The following ENO4 variants were observed in gnomAD, a reference collection of about 807,000 sequenced individuals.
ENO4 encodes enolase 4, also known as 2-phospho-D-glycerate hydro-lyase.
Under a neutral mutation model 63.2 loss-of-function variants are expected in ENO4, and 53 were observed. The ratio of observed to expected loss-of-function variants is 0.84; its 90% CI spans 0.67 to 1.05. The LOEUF (loss-of-function observed/expected upper bound fraction) is 1.05, where lower values mean the gene tolerates loss of function less well. ENO4 is among the 50% of genes least tolerant of loss of function. The pLI, the probability that ENO4 is intolerant of heterozygous loss-of-function variation, is 0.00. For synonymous variants in ENO4, 266 were observed against 283.8 expected (o/e 0.94, Z 0.63); for missense variants, 719 against 772.0 (o/e 0.93, Z 0.81).
intron 10 of ENO4, chr10:116,902,018 C>T: frequency 7.2e-7 from 1 of 1,392,806 alleles, no homozygotes; most frequent in South Asian, 1.4e-5. Context: ...TAATATGGTA[C>T]TGAAAAACAG....
downstream of ENO4, chr10:116,885,516 T>C (rs1847139950): frequency 6.6e-6 from 1 of 152,646 alleles, no homozygotes; most frequent in Non-Finnish European, 1.5e-5. Context: ...TGTGTGCTTG[T>C]CACTTATCTT....
chr10:116,879,898 GT>G lies in ENO4; in HGVS notation c.1637del (p.Leu546TrpfsTer10). ...AVGLGVRFIK[L>X]GGLSRGERVT... ...TTGGGCTTGGTGTCCGGTTCATCAAGTTGGGGGGTCTTTCCCGTGGTGAACG... is the reference window on the plus strand; with the variant it reads ...TTGGGCTTGGTGTCCGGTTCATCAAGTGGGGGGTCTTTCCCGTGGTGAACG... On this transcript the variant is annotated frameshift_variant, in exon 13 of 14. Coordinates refer to ENST00000341276, the MANE Select transcript of ENO4 (RefSeq NM_001242699.2). LOFTEE classifies it high-confidence loss of function. 6.4e-7 allele frequency: 1 copy of G among 1,550,538 alleles called. No individual in the cohort carries two copies. The highest frequency in any genetic ancestry group is 8.7e-7 in the Non-Finnish European group (1 of 1,146,968).
chr10:116,881,810 T>C lies in ENO4; in HGVS notation c.*141T>C. The C allele has an allele frequency of 1.6e-6, 1 of 617,914 alleles. No homozygotes were observed. The highest frequency in any genetic ancestry group is 2.5e-6 in the Non-Finnish European group (1 of 406,346). The allele number at this position is 617,914 out of a possible 1,614,324, so 38.3% of individuals were successfully genotyped here. Reference sequence around the variant, plus strand: ...GTTTTTATTCTTCTAATTCCACTGTTTGGTAAATTACATATATGATGTTTT... The same window carrying C: ...GTTTTTATTCTTCTAATTCCACTGTCTGGTAAATTACATATATGATGTTTT... On this transcript the variant is annotated 3_prime_UTR_variant, in exon 14 of 14. Coordinates refer to ENST00000341276, the MANE Select transcript of ENO4 (RefSeq NM_001242699.2).
Position 116,879,898 on chromosome 10 carries a change from G to C in ENO4, c.1635G>C (p.Lys545Asn), listed in dbSNP as rs1043095596. The C allele has an allele frequency of 1.1e-5, 17 of 1,550,420 alleles. No homozygotes were observed. In the African/African-American group the frequency reaches 1.5e-4, roughly 14 times the overall value. ...LAVGLGVRFIKLGGLSRGERV... is the reference protein window; with the variant it reads ...LAVGLGVRFINLGGLSRGERV... ...TTGGGCTTGGTGTCCGGTTCATCAA[G>C]TTGGGGGGTCTTTCCCGTGGTGAAC... Residue 545 changes from lysine to asparagine, a missense_variant, in exon 13 of 14, where the codon AAG (lysine) becomes AAC (asparagine). Physicochemically the swap from Lys to Asn is moderately conservative, Grantham distance 94 (BLOSUM62 0). Transcript: ENST00000341276.
At chr10:116,865,376 G>T (rs867036728) in intron 7 of ENO4, among the ~76,000 whole-genome samples, 1 of 151,928 alleles carries the variant, frequency 6.6e-6, no homozygotes, top group African/African-American at 2.4e-5. Context: ...TAGTAGAGAC[G>T]GGGTTTCACT....
intron 7 of ENO4, among the ~76,000 whole-genome samples, chr10:116,865,787 C>G (rs573618382): frequency 6.6e-5 from 10 of 152,268 alleles, no homozygotes; most frequent in Admixed American, 4.6e-4. Flanking sequence ...GGTGATCCAG[C>G]CCCAAATGTC....
rs1400755601 is a variant in ENO4, at chr10:116,874,143, T to A, written c.1283T>A (p.Val428Glu). The A allele has an allele frequency of 6.5e-7, 1 of 1,549,932 alleles. No homozygotes were observed. The highest frequency in any genetic ancestry group is 2.4e-5 in the East Asian group (1 of 40,890). ...KNAAEMVDLYVDLINKYPSII... is the reference protein window; with the variant it reads ...KNAAEMVDLYEDLINKYPSII... ...GCAGCGGAGATGGTTGACCTGTATG[T>A]GGATCTGATCAACAAGTACCCTTCA... Residue 428 changes from valine to glutamate, a missense_variant, in exon 10 of 14, where the codon GTG (valine) becomes GAG (glutamate). This residue lies in a region of ENO4 where 544 missense variants were observed against 583.6 expected (regional missense o/e 0.93). Transcript: ENST00000341276.
intron 8 of ENO4, among the ~76,000 whole-genome samples, chr10:116,870,202 C>T (rs760065818): frequency 6.6e-6 from 1 of 152,216 alleles, no homozygotes; most frequent in Non-Finnish European, 1.5e-5. Context: ...TTACCTTAAG[C>T]CCTCAGATTC....
downstream of ENO4, chr10:116,886,607 G>A (rs1268017790): frequency 6.2e-7 from 1 of 1,609,568 alleles, no homozygotes; most frequent in Non-Finnish European, 8.5e-7. Context: ...AAAAAGCAGA[G>A]AGAGAAAATA....
At chr10:116,868,851 C>A in intron 8 of ENO4, 145 bp downstream of exon 8, 1 of 734,518 alleles carries the variant, frequency 1.4e-6, no homozygotes. Context: ...CCAGACACCC[C>A]CAGAGCTGCA....
intron 10 of ENO4, among the ~76,000 whole-genome samples, chr10:116,899,506 G>GGTGTGTGTGTGTGTGTGTGTGT (rs370396879): frequency 1.6e-3 from 200 of 124,562 alleles, no homozygotes; most frequent in African/African-American, 4.9e-3. Context: ...GGCTGGGGCT[G>GGTGTGTGTGTGTGTGTGTGTGT]GTGTGTGTGT....
chr10:116,896,778 T>A (rs538779062), intron 10 of ENO4, among the ~76,000 whole-genome samples: 1 of 151,880 alleles, frequency 6.6e-6, no homozygotes, highest in East Asian at 1.9e-4. Flanking sequence ...GACTGCCCAA[T>A]TTATTTTCTC....
intron 3 of ENO4, among the ~76,000 whole-genome samples, chr10:116,858,363 CA>C (rs1378538568): frequency 6.6e-6 from 1 of 152,220 alleles, no homozygotes; most frequent in Non-Finnish European, 1.5e-5. Context: ...CTGTTGAAAT[CA>C]ATTTCTCTCA....
At chr10:116,880,579 T>G (rs924725900) in intron 13 of ENO4, among the ~76,000 whole-genome samples, 2 of 152,206 alleles carry the variant, frequency 1.3e-5, no homozygotes, top group East Asian at 3.8e-4. Context: ...TAGCATGCAG[T>G]GGCATTTAAA....
At chr10:116,878,799 A>T (rs1233896852) in intron 11 of ENO4, among the ~76,000 whole-genome samples, 2 of 131,294 alleles carry the variant, frequency 1.5e-5, no homozygotes, top group Non-Finnish European at 1.5e-5. Context: ...GCTGGAGTGC[A>T]GTGGCGCGAT....
At chr10:116,870,379 CT>C (rs1351122237) in intron 8 of ENO4, among the ~76,000 whole-genome samples, 1 of 152,154 alleles carries the variant, frequency 6.6e-6, no homozygotes, top group Non-Finnish European at 1.5e-5. Context: ...GTCTTCAATC[CT>C]TTTAAAGTGG....
At chr10:116,874,916 C>T (rs1006553644) in intron 10 of ENO4, among the ~76,000 whole-genome samples, 6 of 152,158 alleles carry the variant, frequency 3.9e-5, no homozygotes, top group Middle Eastern at 3.4e-3. Context: ...TCAGGAGATC[C>T]GCCCACCTTG....
At chr10:116,886,400 C>T (rs1450958758), downstream of ENO4, 6 of 1,579,894 alleles carry the variant, frequency 3.8e-6, no homozygotes, top group Admixed American at 7.4e-5. Flanking sequence ...TCTTTGTTTT[C>T]TGGTTGAATT....
At chr10:116,901,897 G>C in intron 10 of ENO4, 1 of 1,607,516 alleles carries the variant, frequency 6.2e-7, no homozygotes, top group Non-Finnish European at 8.5e-7. Context: ...TGTTACACTG[G>C]ATACAGAACC....
Sources: allele counts gnomAD v4.1 joint callset (sites outside exome capture counted in the v4.1 genomes callset), GRCh38; gene constraint gnomAD v4.1.1; regional missense constraint gnomAD v4.1.1; transcripts MANE v1.5; gene names NCBI Gene and HGNC (gene_info 2026-07-23, HGNC 2026-07-21).